Variants in OR6C4 observed in about 807,000 individuals in gnomAD.
OR6C4 encodes the protein olfactory receptor family 6 subfamily C member 4.
In OR6C4, 20 loss-of-function variants were observed where a neutral mutation model predicts 15.1. The ratio of observed to expected loss-of-function variants is 1.32; its 90% CI spans 0.93 to 1.92. The LOEUF (loss-of-function observed/expected upper bound fraction) is 1.92. OR6C4 is among the 30% of genes most tolerant of loss of function. The pLI is 0.00. For synonymous variants in OR6C4, 179 were observed against 134.2 expected, an observed-to-expected ratio of 1.33 and a Z score of -2.31; for missense variants, 491 against 363.2, an observed-to-expected ratio of 1.35 and a Z score of -2.86.
At position 55,553,665 on chromosome 12, in the gene OR6C4, G is replaced by T. The variant is rs1171294548; in HGVS notation, c.*1509G>T. ...CACTACAAGAACAAGAAGTGTTCTT[G>T]AATAGCCACATCTAAATCATTAAGT... On this transcript the variant is annotated 3_prime_UTR_variant, in exon 2 of 2. Transcript: ENST00000641569. 1 of 152,094 alleles carries T rather than the reference G, an allele frequency of 6.6e-6. No individual in the cohort carries two copies. The highest frequency in any genetic ancestry group is 2.4e-5 in the African/African-American group (1 of 41,428). 9.4% of individuals were successfully genotyped at this position (152,094 alleles called of 1,614,324 possible). A position where few individuals can be genotyped will look rare whatever the true frequency, so the allele number is the denominator to read the frequency against.
rs1873884705 is a variant in OR6C4, at chr12:55,551,981, G to A, written c.755G>A (p.Ser252Asn). The A allele has an allele frequency of 1.2e-6, 2 of 1,613,784 alleles. No individual in the cohort carries two copies. Residue 252 changes from serine to asparagine, a missense_variant, in exon 2 of 2, where the codon AGC becomes AAC. Transcript: ENST00000641569. ...ATTGTCATCTCCCTCTCTTATGGCAGCTGCATGTTTATGTACATTAATCCT... is the reference window on the plus strand; with the variant it reads ...ATTGTCATCTCCCTCTCTTATGGCAACTGCATGTTTATGTACATTAATCCT... ...HMIVISLSYG[S>N]CMFMYINPSA...
Position 55,551,712 on chromosome 12 carries a change from C to T in OR6C4, c.486C>T (p.Thr162=), listed in dbSNP as rs542701780. 1 of 1,613,842 alleles carries T rather than the reference C, an allele frequency of 6.2e-7. No homozygotes were observed. ...TCTTACCACCAATCATCCTGATGAC[C>T]CAGGTAGATTTCTGTGTCTCCAACA... ...LAILPPIILM[T]QVDFCVSNIL... Residue 162 remains threonine (T), a synonymous_variant, in exon 2 of 2, where the codon ACC becomes ACT. Transcript: ENST00000641569.
rs755240442 is a variant in OR6C4 at position 55,552,155 on chromosome 12, A to T, written c.929A>T (p.Ter310LeuextTer17). 6.3e-7 allele frequency: 1 copy of T among 1,579,862 alleles called. No homozygotes were observed. Among genetic ancestry groups the T allele is most frequent in the Non-Finnish European group, 8.6e-7 (1 of 1,164,412 alleles). Reference sequence around the variant, plus strand: ...TCAGTCAAAAAGATTGTGAAACTTTAAAAAAGGAGATTACACTTCAAAATA... The same window carrying T: ...TCAGTCAAAAAGATTGTGAAACTTTTAAAAAGGAGATTACACTTCAAAATA... Reference protein sequence around the residue: ...KDSVKKIVKL* With the variant: ...KDSVKKIVKLL The change falls in exon 2 of 2, where the codon TAA becomes TTA. Residue 310 changes from the stop codon to leucine, a stop_lost. Coordinates refer to ENST00000641569, the MANE Select transcript of OR6C4 (RefSeq NM_001005494.2).
rs2135870158 is a variant in OR6C4, at chr12:55,555,283, C to T, written c.*3127C>T. On this transcript the variant is annotated 3_prime_UTR_variant, in exon 2 of 2. Transcript: ENST00000641569. The stretch of plus-strand genomic sequence containing the variant: ...AGCTGTAGTTTTTTTATCCCTAGCC[C>T]CCTCCCATCATTCCCCTTCTGAGTC... The T allele has an allele frequency of 6.6e-6, 1 of 152,210 alleles. No homozygotes were observed. Among genetic ancestry groups the T allele is most frequent in the African/African-American group, 2.4e-5 (1 of 41,516 alleles). 9.4% of individuals were successfully genotyped at this position (152,210 alleles called of 1,614,324 possible).
At position 55,551,557 on chromosome 12, in the gene OR6C4, T is replaced by A; in HGVS notation, c.331T>A (p.Tyr111Asn). Residue 111 changes from tyrosine (Y) to asparagine (N), a missense_variant, in exon 2 of 2, where the codon TAC becomes AAC. Transcript: ENST00000641569. ...TATATTTCTTGGAGCTACCGAGTTT[T>A]ACCTCCTGGCCTCCATGTCTTATGA... ...FAIFLGATEF[Y>N]LLASMSYDRY... is the part of the protein sequence containing the mutation. 6.2e-7 allele frequency: 1 copy of A among 1,613,980 alleles called. No homozygotes were observed. Among genetic ancestry groups the A allele is most frequent in the Middle Eastern group, 1.7e-4 (1 of 6,056 alleles).
rs768974693 is a variant in OR6C4 at position 55,551,202 on chromosome 12, C to T, written c.-18-7C>T. The T allele has an allele frequency of 3.9e-6, 6 of 1,526,322 alleles. No homozygotes were observed. Among genetic ancestry groups the T allele is most frequent in the Non-Finnish European group, 5.4e-6 (6 of 1,110,876 alleles). 94.5% of individuals were successfully genotyped at this position (1,526,322 alleles called of 1,614,324 possible). A position where few individuals can be genotyped will look rare whatever the true frequency, so the allele number is the denominator to read the frequency against. ...CAATTTTCATCATTCTCACCTTTTG[C>T]CTTTAGGTTTTCCGAAGGTCAACAA... On this transcript the variant is annotated splice_region_variant and splice_polypyrimidine_tract_variant and intron_variant, in intron 1 of 1. Transcript: ENST00000641569.
Position 55,554,450 on chromosome 12 carries a change from G to C in OR6C4, c.*2294G>C, listed in dbSNP as rs1873963093. The C allele has an allele frequency of 6.6e-6, 1 of 151,840 alleles. No homozygotes were observed. The highest frequency in any genetic ancestry group is 1.5e-5 in the Non-Finnish European group (1 of 67,978). The allele number at this position is 151,840 out of a possible 1,614,324, so 9.4% of individuals were successfully genotyped here. On this transcript the variant is annotated 3_prime_UTR_variant, in exon 2 of 2. Coordinates refer to ENST00000641569, the MANE Select transcript of OR6C4 (RefSeq NM_001005494.2). ...AAGCAAGTCATATTCTTCTAAAGCT[G>C]TTCATCTAGTCTGGCTGTATGTTAA...
Position 55,551,787 on chromosome 12 carries a change from C to A in OR6C4, c.561C>A (p.Cys187Ter). 1 of 1,612,370 alleles carries A rather than the reference C, an allele frequency of 6.2e-7. No homozygotes were observed. Among genetic ancestry groups the A allele is most frequent in the Non-Finnish European group, 8.5e-7 (1 of 1,179,926 alleles). Reference protein sequence around the residue: ...CDYGPLVELACSDTSLLELMV... With the variant: ...CDYGPLVELA ...ATGGGCCTCTCGTGGAGCTTGCCTG[C>A]TCAGACACAAGCCTCTTAGAACTGA... Residue 187 changes from cysteine to a stop codon, truncating the protein, a stop_gained, in exon 2 of 2, where the codon TGC becomes TGA. Coordinates refer to ENST00000641569, the MANE Select transcript of OR6C4 (RefSeq NM_001005494.2). LOFTEE classifies it high-confidence loss of function.
At position 55,554,507 on chromosome 12, in the gene OR6C4, T is replaced by A. The variant is rs1380230651; in HGVS notation, c.*2351T>A. ...CTTGGAATGTAATCCAAGTCATAGA[T>A]AAGCAAAAGGAATGACTTCACAGAG... On this transcript the variant is annotated 3_prime_UTR_variant, in exon 2 of 2. Coordinates refer to ENST00000641569, the MANE Select transcript of OR6C4 (RefSeq NM_001005494.2). 1 of 152,174 alleles carries A rather than the reference T, an allele frequency of 6.6e-6. No homozygotes were observed. Among genetic ancestry groups the A allele is most frequent in the Non-Finnish European group, 1.5e-5 (1 of 68,032 alleles). 9.4% of individuals were successfully genotyped at this position (152,174 alleles called of 1,614,324 possible).
Position 55,551,477 on chromosome 12 carries a change from C to A in OR6C4, c.251C>A (p.Thr84Lys). ...IFIPRFLTSM[T>K]TGNKVISFAG... Reference sequence around the variant, plus strand: ...ATTCCCAGATTTCTGACCAGCATGACAACAGGAAATAAAGTTATCAGCTTT... The same window carrying A: ...ATTCCCAGATTTCTGACCAGCATGAAAACAGGAAATAAAGTTATCAGCTTT... Residue 84 changes from threonine (T) to lysine (K), a missense_variant, in exon 2 of 2, where the codon ACA becomes AAA. Coordinates refer to ENST00000641569, the MANE Select transcript of OR6C4 (RefSeq NM_001005494.2). 1 of 1,613,850 alleles carries A rather than the reference C, an allele frequency of 6.2e-7. No homozygotes were observed. The highest frequency in any genetic ancestry group is 8.5e-7 in the Non-Finnish European group (1 of 1,179,918).
At position 55,552,338 on chromosome 12, in the gene OR6C4, A is replaced by G; in HGVS notation, c.*182A>G. ...AATGGTAAATTTATGTAATAAATTT[A>G]CAAAAAACAAAATAATATTTTAATT... is the stretch of plus-strand genomic sequence containing the variant. On this transcript the variant is annotated 3_prime_UTR_variant, in exon 2 of 2. Transcript: ENST00000641569. The G allele has an allele frequency of 2.0e-6, 1 of 495,070 alleles. No homozygotes were observed. The highest frequency in any genetic ancestry group is 3.5e-6 in the Non-Finnish European group (1 of 285,850). The allele number at this position is 495,070 out of a possible 1,614,324, so 30.7% of individuals were successfully genotyped here. A position where few individuals can be genotyped will look rare whatever the true frequency, so the allele number is the denominator to read the frequency against.
chr12:55,555,565 T>C lies in OR6C4; in HGVS notation c.*3409T>C, dbSNP rs1400796438. On this transcript the variant is annotated 3_prime_UTR_variant, in exon 2 of 2. Coordinates refer to ENST00000641569, the MANE Select transcript of OR6C4 (RefSeq NM_001005494.2). ...GGCTGAGGAGGGTGGATCACTTGAG[T>C]TCAGGAGTTCGAGACCAGCCTGGCC... 6.6e-6 allele frequency: 1 copy of C among 151,940 alleles called. No homozygotes were observed. The highest frequency in any genetic ancestry group is 1.5e-5 in the Non-Finnish European group (1 of 67,992). The allele number at this position is 151,940 out of a possible 1,614,324, so 9.4% of individuals were successfully genotyped here. A position where few individuals can be genotyped will look rare whatever the true frequency, so the allele number is the denominator to read the frequency against.
At position 55,551,642 on chromosome 12, in the gene OR6C4, G is replaced by T. The variant is rs766550447; in HGVS notation, c.416G>T (p.Cys139Phe). The change falls in exon 2 of 2, where the codon TGC becomes TTC. Residue 139 changes from cysteine to phenylalanine, a missense_variant. Physicochemically the swap from Cys to Phe is radical, Grantham distance 205. Coordinates refer to ENST00000641569, the MANE Select transcript of OR6C4 (RefSeq NM_001005494.2). ...HYLTIMSSRV[C>F]IQLVFCSWLG... ...CTGACTATTATGAGCAGCAGAGTCT[G>T]CATACAACTAGTGTTCTGCTCCTGG... The T allele has an allele frequency of 4.3e-6, 7 of 1,613,938 alleles. No homozygotes were observed. The highest frequency in any genetic ancestry group is 5.9e-6 in the Non-Finnish European group (7 of 1,179,914).
In OR6C4 at chr12:55,551,219, G is replaced by T; in HGVS notation, c.-8G>T. The T allele has an allele frequency of 6.3e-7, 1 of 1,598,796 alleles. No individual in the cohort carries two copies. Among genetic ancestry groups the T allele is most frequent in the Non-Finnish European group, 8.5e-7 (1 of 1,173,270 alleles). On this transcript the variant is annotated 5_prime_UTR_variant, in exon 2 of 2. In the 5' UTR this introduces an upstream ATG that the reference lacks. Transcript: ENST00000641569. ...ACCTTTTGCCTTTAGGTTTTCCGAAGGTCAACAATGAAAAACAGAACCATG... is the reference window on the plus strand; with the variant it reads ...ACCTTTTGCCTTTAGGTTTTCCGAATGTCAACAATGAAAAACAGAACCATG...
chr12:55,551,977 G>T lies in OR6C4; in HGVS notation c.751G>T (p.Gly251Cys). The T allele has an allele frequency of 6.2e-7, 1 of 1,613,754 alleles. No individual in the cohort carries two copies. Among genetic ancestry groups the T allele is most frequent in the Non-Finnish European group, 8.5e-7 (1 of 1,179,880 alleles). Residue 251 changes from glycine (G) to cysteine (C), a missense_variant, in exon 2 of 2, where the codon GGC (glycine) becomes TGC (cysteine). Coordinates refer to ENST00000641569, the MANE Select transcript of OR6C4 (RefSeq NM_001005494.2). ...CATGATTGTCATCTCCCTCTCTTAT[G>T]GCAGCTGCATGTTTATGTACATTAA... ...SHMIVISLSY[G>C]SCMFMYINPS... is the part of the protein sequence containing the mutation.
rs938641224 is a variant in OR6C4, at chr12:55,554,337, A to T, written c.*2181A>T. On this transcript the variant is annotated 3_prime_UTR_variant, in exon 2 of 2. Transcript: ENST00000641569. ...TTAATGTTTAAGATCACTAGGCAAG[A>T]GTTCACTCAGCATTCTTTATATAAG... is the stretch of plus-strand genomic sequence containing the variant. 6.6e-6 allele frequency: 1 copy of T among 152,108 alleles called. No homozygotes were observed. Among genetic ancestry groups the T allele is most frequent in the Admixed American group, 6.6e-5 (1 of 15,258 alleles). 9.4% of individuals were successfully genotyped at this position (152,108 alleles called of 1,614,324 possible).
At position 55,555,119 on chromosome 12, in the gene OR6C4, G is replaced by GT. The variant is rs1873982431; in HGVS notation, c.*2964dup. 1 of 152,198 alleles carries GT rather than the reference G, an allele frequency of 6.6e-6. No individual in the cohort carries two copies. 9.4% of individuals were successfully genotyped at this position (152,198 alleles called of 1,614,324 possible). On this transcript the variant is annotated 3_prime_UTR_variant, in exon 2 of 2. Coordinates refer to ENST00000641569, the MANE Select transcript of OR6C4 (RefSeq NM_001005494.2). ...CAGCCAGGCATGGTGATGCGTGCCTGTAATTCCAGCTACTGGGAAGGCTGA... is the reference window on the plus strand; with the variant it reads ...CAGCCAGGCATGGTGATGCGTGCCTGTTAATTCCAGCTACTGGGAAGGCTGA...
rs938649017 is a variant in OR6C4, at chr12:55,551,400, T to C, written c.174T>C (p.Tyr58=). 8.1e-6 allele frequency: 13 copies of C among 1,613,788 alleles called. No homozygotes were observed. Among genetic ancestry groups the C allele is most frequent in the Non-Finnish European group, 1.0e-5 (12 of 1,179,924 alleles). ...ACCCCCACCTCCAGACCCCCATGTA[T>C]TTCTTCCTCCGGAATTTCTCCTTCT... ...LLDPHLQTPM[Y]FFLRNFSFLE... Residue 58 remains tyrosine, a synonymous_variant, in exon 2 of 2, where the codon TAT becomes TAC. Coordinates refer to ENST00000641569, the MANE Select transcript of OR6C4 (RefSeq NM_001005494.2).
Position 55,552,234 on chromosome 12 carries a change from G to T in OR6C4, c.*78G>T. 2 of 963,004 alleles carry T rather than the reference G, an allele frequency of 2.1e-6. No individual in the cohort carries two copies. The highest frequency in any genetic ancestry group is 1.5e-6 in the Non-Finnish European group (1 of 656,332). 59.7% of individuals were successfully genotyped at this position (963,004 alleles called of 1,614,324 possible). On this transcript the variant is annotated 3_prime_UTR_variant, in exon 2 of 2. Transcript: ENST00000641569. The stretch of plus-strand genomic sequence containing the variant: ...TGTCTATATTTCAAGTGCTAAATTG[G>T]CCCTTGAAGATTAAAATAGGAAAAG...
Sources: gnomAD v4.1 joint callset for allele counts on GRCh38, gnomAD v4.1.1 for gene constraint, MANE v1.5 for transcripts, NCBI Gene and HGNC (gene_info 2026-07-23, HGNC 2026-07-21) for gene names.